The following CCSER2 variants were observed in gnomAD, a reference collection of about 807,000 sequenced individuals.
CCSER2 encodes serine-rich coiled-coil domain-containing protein 2.
Under a neutral mutation model 92.3 loss-of-function variants are expected in CCSER2, and 46 were observed. The ratio of observed to expected loss-of-function variants is 0.50; its 90% CI spans 0.39 to 0.64. The LOEUF (loss-of-function observed/expected upper bound fraction) is 0.64, where lower values mean the gene tolerates loss of function less well. Ranked by LOEUF, CCSER2 falls within the 30% of genes least tolerant of loss-of-function variation. The pLI is 0.00. For missense variants in CCSER2, 1,244 were observed against 1,238.9 expected (o/e 1.00, Z -0.06); for synonymous variants, 433 against 431.4 (o/e 1.00, Z -0.04).
chr10:84,513,288 AT>A (rs1396558045), intron 9 of CCSER2, among the ~76,000 whole-genome samples, 160 bp from the exon 10 acceptor site: 54 of 152,188 alleles, frequency 3.5e-4, no homozygotes, highest in African/African-American at 1.2e-3. Flanking sequence ...TATGTGTCTA[AT>A]TTGCTTGAAT....
intron 7 of CCSER2, among the ~76,000 whole-genome samples, chr10:84,464,988 A>G (rs980632436): frequency 2.0e-5 from 3 of 152,126 alleles, no homozygotes; most frequent in Non-Finnish European, 4.4e-5. Context: ...ACAGTAGTCA[A>G]TCTCATTCTC....
intron 9 of CCSER2, among the ~76,000 whole-genome samples, chr10:84,491,617 G>C (rs1848170905): frequency 6.6e-6 from 1 of 152,146 alleles, no homozygotes; most frequent in South Asian, 2.1e-4. Flanking sequence ...GGAGTGACCT[G>C]ATTTTCCAGG....
chr10:84,415,985 G>A (rs184715060), intron 3 of CCSER2, among the ~76,000 whole-genome samples: 2 of 152,266 alleles, frequency 1.3e-5, no homozygotes, highest in African/African-American at 4.8e-5. Flanking sequence ...TGGTAATCCC[G>A]GGGGTGGAAT....
chr10:84,422,565 C>G (rs751815823), intron 4 of CCSER2, among the ~76,000 whole-genome samples: 3 of 152,110 alleles, frequency 2.0e-5, no homozygotes, highest in Admixed American at 1.3e-4. Context: ...GTTCTCAACT[C>G]ATAGTTAGGG....
At chr10:84,499,341 G>A (rs1358491018) in intron 9 of CCSER2, among the ~76,000 whole-genome samples, 1 of 152,002 alleles carries the variant, frequency 6.6e-6, no homozygotes, top group Non-Finnish European at 1.5e-5. Context: ...TCACCATTTT[G>A]GCCAGGCTGG....
rs760634652 is a variant in CCSER2 at position 84,371,133 on chromosome 10, G to T, written c.81G>T (p.Leu27Phe). The change falls in exon 2 of 10, where the codon TTG becomes TTT. Residue 27 changes from leucine (L) to phenylalanine (F), a missense_variant. By Grantham distance (22) the Leu-to-Phe change is conservative. Coordinates refer to ENST00000372088, the MANE Select transcript of CCSER2 (RefSeq NM_001284240.2). ...GAACAAAATCTGTAAGAAGTACATT[G>T]CAGCCAATGCCAAATGGGACACCTG... ...KYGTKSVRSTLQPMPNGTPVN... is the reference protein window; with the variant it reads ...KYGTKSVRSTFQPMPNGTPVN... 5 of 1,613,116 alleles carry T rather than the reference G, an allele frequency of 3.1e-6. No homozygotes were observed. The highest frequency in any genetic ancestry group is 4.2e-6 in the Non-Finnish European group (5 of 1,179,644).
chr10:84,348,280 G>A (rs1006669833), intron 1 of CCSER2, among the ~76,000 whole-genome samples: 1 of 152,214 alleles, frequency 6.6e-6, no homozygotes, highest in Non-Finnish European at 1.5e-5. Flanking sequence ...GCGAAACCCC[G>A]TCTCCACCAA....
chr10:84,494,087 C>T (rs973236929), intron 9 of CCSER2, among the ~76,000 whole-genome samples: 3 of 152,176 alleles, frequency 2.0e-5, no homozygotes, highest in Non-Finnish European at 4.4e-5. Flanking sequence ...AAGCAGTGGG[C>T]AGTAGCTGTA....
chr10:84,502,283 G>A (rs569140376), intron 9 of CCSER2, among the ~76,000 whole-genome samples: 3 of 149,722 alleles, frequency 2.0e-5, no homozygotes, highest in Admixed American at 6.7e-5. Context: ...TAGTACTCAT[G>A]TTTGGAGAGG....
intron 9 of CCSER2, among the ~76,000 whole-genome samples, chr10:84,483,997 A>ATATATATATAT (rs1289207905): frequency 2.5e-4 from 19 of 75,478 alleles, no homozygotes; most frequent in Non-Finnish European, 3.3e-4. Context: ...ATATATATAT[A>ATATATATATAT]ATTTTTTTTT....
At chr10:84,400,514 A>G (rs1239269596) in intron 3 of CCSER2, among the ~76,000 whole-genome samples, 1 of 152,058 alleles carries the variant, frequency 6.6e-6, no homozygotes, top group East Asian at 1.9e-4. Flanking sequence ...TAGTTCTTAT[A>G]TTGAGGCCAT....
chr10:84,435,419 G>A (rs1487039633), intron 5 of CCSER2, among the ~76,000 whole-genome samples: 1 of 152,022 alleles, frequency 6.6e-6, no homozygotes, highest in Non-Finnish European at 1.5e-5. Context: ...TTCTCATGGC[G>A]TAGCCTGCAG....
chr10:84,347,496 G>A (rs1367174406), intron 1 of CCSER2, among the ~76,000 whole-genome samples: 2 of 150,534 alleles, frequency 1.3e-5, no homozygotes, highest in Admixed American at 1.3e-4. Context: ...GTGGCTGGCC[G>A]GGTGGGGGCT....
At chr10:84,429,378 C>A (rs568578159) in intron 5 of CCSER2, among the ~76,000 whole-genome samples, 1 of 152,196 alleles carries the variant, frequency 6.6e-6, no homozygotes, top group South Asian at 2.1e-4. Flanking sequence ...GTTCAAGTCT[C>A]CAACTTCACT....
chr10:84,328,962 C>G (rs923561437), intron 1 of CCSER2, among the ~76,000 whole-genome samples, 154 bp downstream of exon 1: 1 of 151,752 alleles, frequency 6.6e-6, no homozygotes, highest in Non-Finnish European at 1.5e-5. Context: ...CAGGGTGAGC[C>G]TCTCTAGCCC....
chr10:84,400,273 G>A (rs746385173), intron 3 of CCSER2, among the ~76,000 whole-genome samples: 39 of 152,006 alleles, frequency 2.6e-4, no homozygotes, highest in African/African-American at 7.7e-4. Context: ...TCTTAATGTC[G>A]TATCAAAGAA....
intron 1 of CCSER2, among the ~76,000 whole-genome samples, chr10:84,358,804 TACAA>T (rs972129476): frequency 6.6e-6 from 1 of 152,146 alleles, no homozygotes; most frequent in Non-Finnish European, 1.5e-5. Flanking sequence ...TTCATTTATT[TACAA>T]ACAGTTTTAA....
intron 1 of CCSER2, among the ~76,000 whole-genome samples, chr10:84,329,313 C>G (rs922551706): frequency 1.2e-4 from 18 of 152,224 alleles, no homozygotes; most frequent in African/African-American, 3.6e-4. Context: ...TATTTTCATA[C>G]ATTTTTAAAT....
At chr10:84,357,540 C>T (rs573264139) in intron 1 of CCSER2, among the ~76,000 whole-genome samples, 36 of 146,914 alleles carry the variant, frequency 2.5e-4, no homozygotes, top group African/African-American at 8.3e-4. Context: ...AGCTCTGCCT[C>T]CCGGGCTCAC....
Sources: allele counts gnomAD v4.1 joint callset (sites outside exome capture counted in the v4.1 genomes callset), GRCh38; gene constraint gnomAD v4.1.1; transcripts MANE v1.5; gene names NCBI Gene and HGNC (gene_info 2026-07-23, HGNC 2026-07-21).